The following DMXL1 variants were observed in gnomAD, a reference collection of about 807,000 sequenced individuals.
DMXL1 encodes the protein dmX-like protein 1.
Under a neutral mutation model 319.2 loss-of-function variants are expected in DMXL1, and 99 were observed. The ratio of observed to expected loss-of-function variants is 0.31; its 90% confidence interval spans 0.26 to 0.37. The LOEUF (loss-of-function observed/expected upper bound fraction) is 0.37, where lower values mean the gene tolerates loss of function less well. Ranked by LOEUF, DMXL1 falls within the 10% of genes least tolerant of loss-of-function variation. The pLI is 1.00. For missense variants in DMXL1, 3,745 were observed against 3,595.6 expected, an observed-to-expected ratio of 1.04 and a Z score of -1.06; for synonymous variants, 1,385 against 1,235.2, an observed-to-expected ratio of 1.12 and a Z score of -2.54.
intron 9 of DMXL1, chr5:119,128,122 C>G: frequency 2.0e-6 from 1 of 501,918 alleles, no homozygotes; most frequent in East Asian, 5.5e-5. Context: ...GATATCAACT[C>G]TTGTGAGCAG....
intron 34 of DMXL1, among the ~76,000 whole-genome samples, chr5:119,215,430 C>G (rs1380666676): frequency 6.6e-6 from 1 of 152,142 alleles, no homozygotes; most frequent in African/African-American, 2.4e-5. Context: ...GCCTCAGCCA[C>G]TCAAGTAGCT....
chr5:119,184,925 GT>G, intron 28 of DMXL1, among the ~76,000 whole-genome samples: 1 of 152,216 alleles, frequency 6.6e-6, no homozygotes, highest in South Asian at 2.1e-4. Flanking sequence ...GGCATTCAGG[GT>G]GATTGAAAAG....
chr5:119,229,942 A>G (rs1786354680), intron 38 of DMXL1, among the ~76,000 whole-genome samples: 2 of 152,196 alleles, frequency 1.3e-5, no homozygotes, highest in Non-Finnish European at 2.9e-5. Context: ...TAAGAAGCCA[A>G]AAGTAGATAA....
rs1404970218 is a variant in DMXL1 at position 119,220,601 on chromosome 5, C to G, written c.8135+8C>G. 6.2e-7 allele frequency: 1 copy of G among 1,608,478 alleles called. No homozygotes were observed. The highest frequency in any genetic ancestry group is 8.5e-7 in the Non-Finnish European group (1 of 1,178,540). ...AGAAGTGGAAACCAAAGGGTACCTTCATAGTTTGTTTCTATTTAGTAATGT... is the reference window on the plus strand; with the variant it reads ...AGAAGTGGAAACCAAAGGGTACCTTGATAGTTTGTTTCTATTTAGTAATGT... On this transcript the variant is annotated splice_region_variant and intron_variant, in intron 36 of 43. Transcript: ENST00000539542.
chr5:119,150,206 A>C lies in DMXL1; in HGVS notation c.4379A>C (p.Glu1460Ala), dbSNP rs145372829. The change falls in exon 18 of 44, where the codon GAG becomes GCG. Residue 1460 changes from glutamate (E) to alanine (A), a missense_variant. Physicochemically the swap from Glu to Ala is moderately radical, Grantham distance 107. This residue lies in a region of DMXL1 where 2,096 missense variants were observed against 1,985.4 expected (regional missense o/e 1.06). Transcript: ENST00000539542. Reference protein sequence around the residue: ...QLLMTDTHMLETDEENTKPRV... With the variant: ...QLLMTDTHMLATDEENTKPRV... ...CTAATGACTGATACTCATATGTTAG[A>C]GACAGATGAAGAAAATACAAAGCCT... The C allele has an allele frequency of 9.9e-6, 16 of 1,613,518 alleles. No homozygotes were observed. In the African/African-American group the frequency reaches 2.1e-4, roughly 22 times the overall value.
At chr5:119,225,841 T>G (rs774663168) in intron 38 of DMXL1, among the ~76,000 whole-genome samples, 17 of 152,136 alleles carry the variant, frequency 1.1e-4, no homozygotes, top group Non-Finnish European at 2.2e-4. Context: ...ACCCACAAGT[T>G]TAATGTCAGG....
rs912981846 is a variant in DMXL1 at position 119,148,721 on chromosome 5, G to A, written c.2912-18G>A. The A allele has an allele frequency of 8.8e-6, 14 of 1,586,334 alleles. No homozygotes were observed. The highest frequency in any genetic ancestry group is 2.3e-5 in the South Asian group (2 of 86,754). On this transcript the variant is annotated intron_variant, in intron 17 of 43. Coordinates refer to ENST00000539542, the MANE Select transcript of DMXL1 (RefSeq NM_001290321.3). ...TAACCAAATTTGACATTTTGTTAAC[G>A]GATTATTTTTATTTTAGGACATCTG...
chr5:119,151,702 G>A (rs1769834201), intron 18 of DMXL1, among the ~76,000 whole-genome samples: 4 of 152,134 alleles, frequency 2.6e-5, no homozygotes, highest in Admixed American at 1.3e-4. Flanking sequence ...GAAGAGGTCA[G>A]TTTATAAAGA....
intron 40 of DMXL1, among the ~76,000 whole-genome samples, chr5:119,237,618 G>T (rs1787992232): frequency 6.6e-6 from 1 of 151,914 alleles, no homozygotes; most frequent in Non-Finnish European, 1.5e-5. Context: ...GATAATTTGG[G>T]AAGTTGACAT....
intron 31 of DMXL1, among the ~76,000 whole-genome samples, 188 bp from the exon 32 acceptor site, chr5:119,197,567 G>T (rs1278306231): frequency 6.6e-6 from 1 of 151,964 alleles, no homozygotes; most frequent in African/African-American, 2.4e-5. Flanking sequence ...CATACCTTTT[G>T]TAATCCACTG....
chr5:119,188,077 A>C (rs1405292333), intron 28 of DMXL1, among the ~76,000 whole-genome samples: 1 of 152,224 alleles, frequency 6.6e-6, no homozygotes, highest in Non-Finnish European at 1.5e-5. Context: ...TTGTAGTTTC[A>C]AATGTTTCTG....
chr5:119,086,589 T>C (rs1753419902), intron 1 of DMXL1, among the ~76,000 whole-genome samples: 1 of 152,224 alleles, frequency 6.6e-6, no homozygotes, highest in Non-Finnish European at 1.5e-5. Flanking sequence ...TCCTTTCTCT[T>C]CAGTTTTTTT....
chr5:119,147,769 A>G (rs941616347), intron 17 of DMXL1, among the ~76,000 whole-genome samples: 4 of 152,180 alleles, frequency 2.6e-5, no homozygotes, highest in African/African-American at 4.8e-5. Context: ...CTTTATTTGC[A>G]GACTTTGATG....
intron 43 of DMXL1, among the ~76,000 whole-genome samples, chr5:119,246,544 A>G (rs1007119592): frequency 6.6e-6 from 1 of 152,026 alleles, no homozygotes. Context: ...CTAGGCCTAC[A>G]CAGATTTTTC....
Position 119,220,496 on chromosome 5 carries a change from G to T in DMXL1, c.8038G>T (p.Ala2680Ser), listed in dbSNP as rs754084829. The T allele has an allele frequency of 5.6e-6, 9 of 1,613,534 alleles. No homozygotes were observed. Among genetic ancestry groups the T allele is most frequent in the Non-Finnish European group, 7.6e-6 (9 of 1,179,802 alleles). The change falls in exon 36 of 44, where the codon GCT becomes TCT. Residue 2680 changes from alanine to serine, a missense_variant. This residue lies in a region of DMXL1 where 1,382 missense variants were observed against 1,269.5 expected (regional missense o/e 1.09). Coordinates refer to ENST00000539542, the MANE Select transcript of DMXL1 (RefSeq NM_001290321.3). ...GGCAAATAGAAACTGCATAGCAATC[G>T]CTTCCAGTCATGATGTTCAAGAACT... Reference protein sequence around the residue: ...NKANRNCIAIASSHDVQELDV... With the variant: ...NKANRNCIAISSSHDVQELDV...
chr5:119,213,299 G>A (rs1393873344), intron 34 of DMXL1, among the ~76,000 whole-genome samples: 1 of 152,058 alleles, frequency 6.6e-6, no homozygotes, highest in Non-Finnish European at 1.5e-5. Context: ...TGCTCTGTAT[G>A]CAGATATTTT....
In DMXL1 at chr5:119,150,321, A is replaced by C. The variant is rs1354662716; in HGVS notation, c.4494A>C (p.Leu1498Phe). ...VLSGHLLHSSLPGLSRMEQMS... is the reference protein window; with the variant it reads ...VLSGHLLHSSFPGLSRMEQMS... The stretch of plus-strand genomic sequence containing the variant: ...CTGGCCACTTACTTCATTCTAGTTT[A>C]CCAGGACTCAGCCGGATGGAGCAGA... The change falls in exon 18 of 44, where the codon TTA becomes TTC. Residue 1498 changes from leucine (L) to phenylalanine (F), a missense_variant. Physicochemically the swap from Leu to Phe is conservative, Grantham distance 22. Transcript: ENST00000539542. 6.2e-7 allele frequency: 1 copy of C among 1,613,736 alleles called. No homozygotes were observed.
Position 119,082,910 on chromosome 5 carries a change from T to C in DMXL1, c.87+11254T>C, listed in dbSNP as rs142802828. ...CTCTGGTAACCATCAGTCTGCTCTT[T>C]ATGAGATCCACTTTTGTAGCTCCCA... On this transcript the variant is annotated intron_variant, in intron 1 of 43. Transcript: ENST00000539542. Among the ~76,000 whole-genome samples the C allele has an allele frequency of 7.8e-3, 1,188 of 152,386 alleles. 4 individuals carry two copies. The highest frequency in any genetic ancestry group is 0.013 in the Non-Finnish European group (869 of 68,040).
chr5:119,173,696 GTGTA>G (rs143187469), intron 25 of DMXL1, among the ~76,000 whole-genome samples: 51,504 of 139,796 alleles, frequency 0.37, 11,454 homozygotes, highest in East Asian at 0.83. Flanking sequence ...GTGTGTGTGT[GTGTA>G]TATATATATG....
Sources: allele counts gnomAD v4.1 joint callset (sites outside exome capture counted in the v4.1 genomes callset), GRCh38; gene constraint gnomAD v4.1.1; regional missense constraint gnomAD v4.1.1; transcripts MANE v1.5; gene names NCBI Gene and HGNC (gene_info 2026-07-23, HGNC 2026-07-21).